NAA30: variants seen among roughly 807,000 people sequenced by gnomAD.
NAA30 encodes the protein N-alpha-acetyltransferase 30, NatC catalytic subunit.
NAA30 carries 5 observed loss-of-function variants against 31.4 expected under a neutral mutation model. The ratio of observed to expected loss-of-function variants is 0.16; its 90% CI spans 0.08 to 0.33. The LOEUF is 0.33. NAA30 is among the 10% of genes least tolerant of loss of function. NAA30 has a pLI of 1.00. For synonymous variants in NAA30, 222 were observed against 207.1 expected, an observed-to-expected ratio of 1.07 and a Z score of -0.62; for missense variants, 428 against 490.8, an observed-to-expected ratio of 0.87 and a Z score of 1.21.
Position 57,411,841 on chromosome 14 carries a change from C to T in NAA30, c.*2325C>T, listed in dbSNP as rs540283616. On this transcript the variant is annotated 3_prime_UTR_variant, in exon 5 of 5. Transcript: ENST00000556492. ...CCATTCAGGTTGAAGTAGCCTCAAA[C>T]AGTAATTTACTTTTTGATAATAGGC... 1 of 152,284 alleles carries T rather than the reference C, an allele frequency of 6.6e-6. No homozygotes were observed. The highest frequency in any genetic ancestry group is 6.5e-5 in the Admixed American group (1 of 15,290). 9.4% of individuals were successfully genotyped at this position (152,284 alleles called of 1,614,324 possible).
At chr14:57,401,208 T>C (rs2066475663) in intron 4 of NAA30, among the ~76,000 whole-genome samples, 1 of 152,256 alleles carries the variant, frequency 6.6e-6, no homozygotes. Context: ...CGTGTTAGAA[T>C]ACAGAGATTT....
At chr14:57,407,653 T>A (rs2066503321) in intron 4 of NAA30, among the ~76,000 whole-genome samples, 1 of 152,218 alleles carries the variant, frequency 6.6e-6, no homozygotes, top group Non-Finnish European at 1.5e-5. Context: ...AAAGCAAAGC[T>A]GAGGCCAATA....
rs1272719608 is a variant in NAA30, at chr14:57,399,874, C to T, written c.942C>T (p.Asp314=). 2.0e-6 allele frequency: 3 copies of T among 1,523,264 alleles called. No individual in the cohort carries two copies. The highest frequency in any genetic ancestry group is 1.4e-5 in the African/African-American group (1 of 73,428). 94.4% of individuals were successfully genotyped at this position (1,523,264 alleles called of 1,614,324 possible). ...CTATATATGCCATGGTTGAGGGAGA[C>T]TGTGATGAGGTAAGTCTTTAAAAAT... ...KKAIYAMVEG[D]CDEVVLETEI... Residue 314 remains aspartate (D), a synonymous_variant, in exon 4 of 5, where the codon GAC becomes GAT. Transcript: ENST00000556492.
intron 1 of NAA30, 51 bp from the exon 2 acceptor site, chr14:57,390,906 G>C (rs1055818015): frequency 3.0e-5 from 43 of 1,444,940 alleles, no homozygotes; most frequent in African/African-American, 2.5e-4. Context: ...TGTTCTCCGC[G>C]CTCCTCGGCC....
chr14:57,399,677 A>C, intron 3 of NAA30, 151 bp from the exon 4 acceptor site: 1 of 594,790 alleles, frequency 1.7e-6, no homozygotes, highest in South Asian at 2.0e-5. Flanking sequence ...GCTTATAGCT[A>C]AAATTTTTCC....
At position 57,413,240 on chromosome 14, in the gene NAA30, C is replaced by T. The variant is rs144740360; in HGVS notation, c.*3724C>T. On this transcript the variant is annotated 3_prime_UTR_variant, in exon 5 of 5. Coordinates refer to ENST00000556492, the MANE Select transcript of NAA30 (RefSeq NM_001011713.3). ...GAATACTTCTGTATGTCAAGATTTT[C>T]GGATTTTAGTGGAAGGATGAAATGA... 14 of 151,098 alleles carry T rather than the reference C, an allele frequency of 9.3e-5. No individual in the cohort carries two copies. The highest frequency in any genetic ancestry group is 2.2e-4 in the African/African-American group (9 of 41,134). 9.4% of individuals were successfully genotyped at this position (151,098 alleles called of 1,614,324 possible).
Position 57,404,318 on chromosome 14 carries a change from T to TCA in NAA30, c.951+4450_951+4451dup, listed in dbSNP as rs377631674. Among the ~76,000 whole-genome samples, 215 of 151,166 alleles carry TCA rather than the reference T, an allele frequency of 1.4e-3. 2 individuals carry two copies. The highest frequency in any genetic ancestry group is 4.3e-3 in the African/African-American group (177 of 41,266). On this transcript the variant is annotated intron_variant, in intron 4 of 4. Transcript: ENST00000556492. ...GCCTGGGGGCCAGAGCAAGACTCCA[T>TCA]CACACACACACACACAAAAAGAGTT...
intron 4 of NAA30, 147 bp from the exon 5 acceptor site, chr14:57,409,232 C>A: frequency 1.5e-6 from 1 of 660,690 alleles, no homozygotes; most frequent in East Asian, 2.9e-5. Context: ...ATCTTGATGA[C>A]TGTTTTTGAG....
intron 2 of NAA30, among the ~76,000 whole-genome samples, chr14:57,394,908 T>C (rs1187184298): frequency 6.6e-6 from 1 of 152,172 alleles, no homozygotes; most frequent in African/African-American, 2.4e-5. Flanking sequence ...GCCTGGCTTA[T>C]GAGGTCAGGC....
chr14:57,400,725 G>T (rs1439031768), intron 4 of NAA30, among the ~76,000 whole-genome samples: 5 of 152,120 alleles, frequency 3.3e-5, no homozygotes, highest in African/African-American at 9.7e-5. Flanking sequence ...TAAAAGAAAT[G>T]GAGTGTTTTG....
intron 3 of NAA30, 123 bp from the exon 4 acceptor site, chr14:57,399,705 T>A (rs1010400325): frequency 4.5e-6 from 3 of 668,472 alleles, no homozygotes; most frequent in Admixed American, 5.2e-5. Flanking sequence ...TTTGAGGTAA[T>A]CCGTGTATCT....
intron 2 of NAA30, among the ~76,000 whole-genome samples, chr14:57,394,899 C>T (rs1178902379): frequency 6.6e-6 from 1 of 152,064 alleles, no homozygotes; most frequent in Non-Finnish European, 1.5e-5. Context: ...TTCACCTGAG[C>T]CTGGCTTATG....
At chr14:57,396,224 G>T (rs117589590) in intron 2 of NAA30, among the ~76,000 whole-genome samples, 4 of 152,112 alleles carry the variant, frequency 2.6e-5, no homozygotes, top group African/African-American at 9.7e-5. Context: ...ATCTGCCTGC[G>T]CCTGCCTCCC....
Position 57,391,526 on chromosome 14 carries a change from C to T in NAA30, c.569C>T (p.Ser190Phe), listed in dbSNP as rs139705465. ...EDEQVRLLSS[S>F]LTADCSLRSP... ...GAGCAGGTGCGGCTGCTGTCTTCGT[C>T]CCTGACCGCCGACTGCAGCTTAAGA... Residue 190 changes from serine (S) to phenylalanine (F), a missense_variant, in exon 2 of 5, where the codon TCC (serine) becomes TTC (phenylalanine). Coordinates refer to ENST00000556492, the MANE Select transcript of NAA30 (RefSeq NM_001011713.3). This position sits in a 1 kb window ranked among gnomAD's most constrained non-coding sequence, Gnocchi z 4.1. The T allele has an allele frequency of 5.7e-5, 92 of 1,613,616 alleles. 1 individual carries two copies. In the African/African-American group the frequency reaches 1.1e-3, roughly 20 times the overall value.
intron 3 of NAA30, among the ~76,000 whole-genome samples, chr14:57,399,503 C>T (rs965410247): frequency 1.3e-5 from 2 of 152,168 alleles, no homozygotes; most frequent in Non-Finnish European, 2.9e-5. Context: ...CTGGCCATAC[C>T]ATATCTTGTC....
At chr14:57,406,177 T>C (rs2066497561) in intron 4 of NAA30, among the ~76,000 whole-genome samples, 1 of 152,228 alleles carries the variant, frequency 6.6e-6, no homozygotes, top group Non-Finnish European at 1.5e-5. Flanking sequence ...TTGACTAGAT[T>C]AGACATTGGT....
intron 2 of NAA30, among the ~76,000 whole-genome samples, chr14:57,395,016 T>A (rs2066444921): frequency 6.6e-6 from 1 of 152,174 alleles, no homozygotes; most frequent in African/African-American, 2.4e-5. Flanking sequence ...GCACATATAT[T>A]TGAAGTGAGT....
chr14:57,396,961 A>G (rs1343625166), intron 3 of NAA30, 86 bp downstream of exon 3: 4 of 1,294,704 alleles, frequency 3.1e-6, no homozygotes, highest in African/African-American at 2.9e-5. Flanking sequence ...AAATGTAAGT[A>G]TGTAGAAATG....
rs1247088861 is a variant in NAA30 at position 57,413,131 on chromosome 14, A to G, written c.*3615A>G. 1 of 125,464 alleles carries G rather than the reference A, an allele frequency of 8.0e-6. No homozygotes were observed. Among genetic ancestry groups the G allele is most frequent in the South Asian group, 2.8e-4 (1 of 3,614 alleles). The allele number at this position is 125,464 out of a possible 1,614,324, so 7.8% of individuals were successfully genotyped here. On this transcript the variant is annotated 3_prime_UTR_variant, in exon 5 of 5. Coordinates refer to ENST00000556492, the MANE Select transcript of NAA30 (RefSeq NM_001011713.3). ...TGTAATGTTCCCCCCACCCCATCCC[A>G]CCCTTGGTAAGACACCAAAGTAAAA...
Sources: gnomAD v4.1 joint callset for allele counts (sites outside exome capture counted in the v4.1 genomes callset) on GRCh38, gnomAD v4.1.1 for gene constraint, Gnocchi (gnomAD v3.1) non-coding constraint, MANE v1.5 for transcripts, NCBI Gene and HGNC (gene_info 2026-07-23, HGNC 2026-07-21) for gene names.